ASTE1: variants seen among roughly 807,000 people sequenced by gnomAD.
The protein encoded by ASTE1 is single-strand DNA endonuclease ASTE1.
A neutral mutation model predicts 45.8 loss-of-function variants in ASTE1; 49 were observed. The ratio of observed to expected loss-of-function variants is 1.07; its 90% CI spans 0.85 to 1.36. The LOEUF (loss-of-function observed/expected upper bound fraction) is 1.36, where lower values mean the gene tolerates loss of function less well. ASTE1 is among the 40% of genes most tolerant of loss of function. ASTE1 has a pLI of 0.00. For missense variants in ASTE1, 709 were observed against 804.0 expected (o/e 0.88, Z 1.43); for synonymous variants, 296 against 303.9 (o/e 0.97, Z 0.27).
intron 4 of ASTE1, among the ~76,000 whole-genome samples, chr3:131,017,969 CAAAAAAAAAAAAAA>C (rs10555602): frequency 6.7e-5 from 3 of 44,820 alleles, no homozygotes; most frequent in Admixed American, 3.8e-4. Context: ...GACTCCATCT[CAAAAAAAAAAAAAA>C]AAAAAAAAAA....
At chr3:131,022,677 C>A (rs571099673) in intron 3 of ASTE1, among the ~76,000 whole-genome samples, 59 of 152,120 alleles carry the variant, frequency 3.9e-4, no homozygotes, top group African/African-American at 1.3e-3. Flanking sequence ...ATTTTCTTCA[C>A]CCCCAACCAA....
In ASTE1 at chr3:131,018,496, A is replaced by T; in HGVS notation, c.1513+10T>A. ...GCCACAATATACTCCTGTAATTTCC[A>T]GTTACCTACCAGGGCTGTTGATTAT... On this transcript the variant is annotated intron_variant, in intron 4 of 5. Transcript: ENST00000264992. The T allele has an allele frequency of 6.2e-7, 1 of 1,611,998 alleles. No homozygotes were observed.
At position 131,016,314 on chromosome 3, in the gene ASTE1, A is replaced by C; in HGVS notation, c.1539T>G (p.Gly513=). Residue 513 remains glycine (G), a synonymous_variant, in exon 5 of 6, where the codon GGT becomes GGG. Coordinates refer to ENST00000264992, the MANE Select transcript of ASTE1 (RefSeq NM_014065.4). ...SPGKEELQED[G]AKMLYAEFQR... ...GGAACTCTGCATACAACATCTTAGC[A>C]CCATCTTCCTGCAGCTCTTCCTTAC... 2 of 1,614,110 alleles carry C rather than the reference A, an allele frequency of 1.2e-6. No individual in the cohort carries two copies. The highest frequency in any genetic ancestry group is 2.2e-5 in the South Asian group (2 of 91,076).
intron 3 of ASTE1, among the ~76,000 whole-genome samples, chr3:131,021,089 C>T (rs530637539): frequency 4.6e-5 from 7 of 152,172 alleles, no homozygotes; most frequent in Admixed American, 2.6e-4. Context: ...AAAGTGGTAA[C>T]CATAAATAAT....
chr3:131,016,045 T>G (rs202121445), intron 5 of ASTE1, 99 bp downstream of exon 5: 656 of 1,470,146 alleles, frequency 4.5e-4, no homozygotes, highest in Middle Eastern at 8.6e-4. Context: ...TTGTTTTGGT[T>G]TTTTTTTTTA....
At position 131,024,899 on chromosome 3, in the gene ASTE1, C is replaced by G. The variant is rs1470431567; in HGVS notation, c.408G>C (p.Gln136His). 6.2e-6 allele frequency: 10 copies of G among 1,614,184 alleles called. No homozygotes were observed. Among genetic ancestry groups the G allele is most frequent in the Non-Finnish European group, 8.5e-6 (10 of 1,180,026 alleles). Residue 136 changes from glutamine (Q) to histidine (H), a missense_variant, in exon 3 of 6, where the codon CAG (glutamine) becomes CAC (histidine). Physicochemically the swap from Gln to His is conservative, Grantham distance 24 (BLOSUM62 0). Transcript: ENST00000264992. The part of the protein sequence containing the change: ...VLIKLRVCFV[Q>H]CFSEADRDIM... ...TGTCCCGATCTGCTTCTGAAAAGCA[C>G]TGGACAAAACACACCCGCAGCTTGA...
intron 3 of ASTE1, among the ~76,000 whole-genome samples, chr3:131,019,623 T>A (rs907082640): frequency 2.0e-5 from 3 of 152,142 alleles, no homozygotes; most frequent in Non-Finnish European, 4.4e-5. Context: ...AATCAAACTT[T>A]AAGAAAAAGA....
intron 5 of ASTE1, 150 bp downstream of exon 5, chr3:131,015,994 A>T: frequency 2.1e-6 from 2 of 957,820 alleles, no homozygotes. Context: ...CTTCAGCTGT[A>T]ACAGTGACTC....
intron 5 of ASTE1, 181 bp downstream of exon 5, chr3:131,015,963 A>G: frequency 1.3e-6 from 1 of 789,104 alleles, no homozygotes; most frequent in Non-Finnish European, 2.1e-6. Context: ...AAATAATTTA[A>G]TATTTTTCCC....
In ASTE1 at chr3:131,018,517, AT is replaced by A. The variant is rs772582652; in HGVS notation, c.1501del (p.Ile501SerfsTer24). 16 of 1,613,858 alleles carry A rather than the reference AT, an allele frequency of 9.9e-6. No homozygotes were observed. The Admixed American group carries it at 2.5e-4, about 25-fold the overall frequency. On this transcript the variant is annotated frameshift_variant, in exon 4 of 6. Coordinates refer to ENST00000264992, the MANE Select transcript of ASTE1 (RefSeq NM_014065.4). LOFTEE classifies it high-confidence loss of function. ...TTCCAGTTACCTACCAGGGCTGTTG[AT>A]TATGGCAATCAAGGGCCCCACTAGC... is the stretch of plus-strand genomic sequence containing the variant. The part of the protein sequence containing the change: ...TMLVGPLIAI[I>X]NSPGKEELQE...
At position 131,017,862 on chromosome 3, in the gene ASTE1, C is replaced by T. The variant is rs184839581; in HGVS notation, c.1513+644G>A. Among the ~76,000 whole-genome samples the T allele has an allele frequency of 2.7e-5, 4 of 148,402 alleles. No homozygotes were observed. In the East Asian group the frequency reaches 6.2e-4, roughly 23 times the overall value. ...ACAGGCACCTGTAATCCCAGCTACT[C>T]GGAAGGCTGAGGCAGAAGAATCACT... On this transcript the variant is annotated intron_variant, in intron 4 of 5. Coordinates refer to ENST00000264992, the MANE Select transcript of ASTE1 (RefSeq NM_014065.4).
intron 5 of ASTE1, chr3:131,015,928 A>G (rs2063604963): frequency 1.4e-6 from 1 of 702,430 alleles, no homozygotes; most frequent in Non-Finnish European, 2.5e-6. Context: ...GGATTGAATC[A>G]TGGAAACATT....
chr3:131,025,776 G>T (rs1008702773), intron 1 of ASTE1, among the ~76,000 whole-genome samples, 182 bp from the exon 2 acceptor site: 9 of 152,158 alleles, frequency 5.9e-5, no homozygotes, highest in African/African-American at 2.2e-4. Flanking sequence ...CAAAGCATTT[G>T]GGCTTCAGTA....
chr3:131,025,492 T>A lies in ASTE1; in HGVS notation c.-44A>T. On this transcript the variant is annotated 5_prime_UTR_variant, in exon 2 of 6. An upstream open reading frame in the 5' UTR loses its in-frame stop. Transcript: ENST00000264992. ...TTCTTACCTAGATCCTCAAGCAATGTTAGCTGTGCTTTTTCATTCTCCTTT... is the reference window on the plus strand; with the variant it reads ...TTCTTACCTAGATCCTCAAGCAATGATAGCTGTGCTTTTTCATTCTCCTTT... The A allele has an allele frequency of 1.0e-6, 1 of 974,366 alleles. No homozygotes were observed. Among genetic ancestry groups the A allele is most frequent in the Non-Finnish European group, 1.4e-6 (1 of 704,466 alleles). The allele number at this position is 974,366 out of a possible 1,614,324, so 60.4% of individuals were successfully genotyped here. A position where few individuals can be genotyped will look rare whatever the true frequency, so the allele number is the denominator to read the frequency against.
Position 131,024,402 on chromosome 3 carries a change from G to T in ASTE1, c.905C>A (p.Ser302Tyr). ...GAAGAAGTCCTGTAGCTTCACCTGG[G>T]ACTGTTGGTATTCTTCCATGGAACA... ...LCCSMEEYQQ[S>Y]QVKLQDFFQC... is the part of the protein sequence containing the mutation. The change falls in exon 3 of 6, where the codon TCC becomes TAC. Residue 302 changes from serine to tyrosine, a missense_variant. Transcript: ENST00000264992. 1 of 1,614,228 alleles carries T rather than the reference G, an allele frequency of 6.2e-7. No individual in the cohort carries two copies. Among genetic ancestry groups the T allele is most frequent in the Non-Finnish European group, 8.5e-7 (1 of 1,180,042 alleles).
chr3:131,014,081 A>G lies in ASTE1; in HGVS notation c.2016T>C (p.His672=), dbSNP rs2063456176. ...GLLMVENLEE[H]SEASNIE Reference sequence around the variant, plus strand: ...TTTATTCAATGTTGGAGGCCTCACTATGTTCCTCTAAGTTTTCAACCATTA... The same window carrying G: ...TTTATTCAATGTTGGAGGCCTCACTGTGTTCCTCTAAGTTTTCAACCATTA... The change falls in exon 6 of 6, where the codon CAT becomes CAC. Residue 672 remains histidine (H), a synonymous_variant. Coordinates refer to ENST00000264992, the MANE Select transcript of ASTE1 (RefSeq NM_014065.4). 1.9e-6 allele frequency: 3 copies of G among 1,597,408 alleles called. No individual in the cohort carries two copies. Among genetic ancestry groups the G allele is most frequent in the African/African-American group, 1.4e-5 (1 of 73,536 alleles).
intron 4 of ASTE1, chr3:131,016,730 AT>A: frequency 3.1e-6 from 1 of 327,534 alleles, no homozygotes; most frequent in Non-Finnish European, 5.9e-6. Context: ...GCTGTGGTGC[AT>A]TTGTGTTAAA....
chr3:131,022,586 G>C (rs1212027742), intron 3 of ASTE1, among the ~76,000 whole-genome samples: 1 of 151,786 alleles, frequency 6.6e-6, no homozygotes, highest in Non-Finnish European at 1.5e-5. Context: ...GCCTTCCAAA[G>C]TGCTGGGCTT....
chr3:131,020,975 C>T (rs1039492155), intron 3 of ASTE1, among the ~76,000 whole-genome samples: 5 of 152,208 alleles, frequency 3.3e-5, no homozygotes, highest in African/African-American at 7.2e-5. Flanking sequence ...TCACACCATA[C>T]GCACCCACAA....
Sources: gnomAD v4.1 joint callset for allele counts (sites outside exome capture counted in the v4.1 genomes callset) on GRCh38, gnomAD v4.1.1 for gene constraint, MANE v1.5 for transcripts, NCBI Gene and HGNC (gene_info 2026-07-23, HGNC 2026-07-21) for gene names.